RAB38: variants seen among roughly 807,000 people sequenced by gnomAD.
RAB38 encodes RAB38, member RAS oncogene family, also known as ras-related protein Rab-38.
RAB38 carries 15 observed loss-of-function variants against 18.4 expected under a neutral mutation model. The observed-to-expected ratio is 0.82, with a 90% CI of 0.55 to 1.26. The LOEUF (loss-of-function observed/expected upper bound fraction) is 1.26, where lower values mean the gene tolerates loss of function less well. Among genes scored for constraint, RAB38 ranks in the 50% most tolerant of loss-of-function variants. RAB38 has a pLI of 0.00. For missense variants in RAB38, 294 were observed against 267.4 expected (o/e 1.10, Z -0.69); for synonymous variants, 101 against 104.4 (o/e 0.97, Z 0.20).
intron 2 of RAB38, among the ~76,000 whole-genome samples, chr11:88,144,705 G>A (rs1487720850): frequency 6.6e-6 from 1 of 152,206 alleles, no homozygotes; most frequent in Non-Finnish European, 1.5e-5. Flanking sequence ...AGAACATTCT[G>A]GGAGAGAGGG....
chr11:87,853,571 AT>A, the RAB38 span, among the ~76,000 whole-genome samples: 1 of 152,206 alleles, frequency 6.6e-6, no homozygotes, highest in African/African-American at 2.4e-5. Context: ...AAGCTGACAA[AT>A]ACAAGGTAGA....
the RAB38 span, among the ~76,000 whole-genome samples, chr11:88,080,369 A>G: frequency 6.6e-6 from 1 of 151,954 alleles, no homozygotes; most frequent in African/African-American, 2.4e-5. Flanking sequence ...ACATGAAGAA[A>G]AATATTGATG....
At chr11:88,015,429 G>C in the RAB38 span, among the ~76,000 whole-genome samples, 1 of 152,136 alleles carries the variant, frequency 6.6e-6, no homozygotes, top group Admixed American at 6.5e-5. Flanking sequence ...AATCTGTCTT[G>C]GTCACTACAA....
chr11:87,921,500 C>T, the RAB38 span, among the ~76,000 whole-genome samples: 1 of 150,682 alleles, frequency 6.6e-6, no homozygotes, highest in Non-Finnish European at 1.5e-5. Flanking sequence ...ATGATATTTT[C>T]AGCTTATGGG....
the RAB38 span, among the ~76,000 whole-genome samples, chr11:87,957,740 A>C: frequency 6.6e-6 from 1 of 152,028 alleles, no homozygotes; most frequent in East Asian, 1.9e-4. Context: ...TCTAACTTCT[A>C]TAATCTGAGG....
chr11:87,863,187 A>G, the RAB38 span, among the ~76,000 whole-genome samples: 2 of 151,866 alleles, frequency 1.3e-5, no homozygotes, highest in Non-Finnish European at 2.9e-5. Context: ...CTGAATTCAA[A>G]TATCAGTTCT....
At chr11:87,827,000 T>A in the RAB38 span, among the ~76,000 whole-genome samples, 2 of 152,166 alleles carry the variant, frequency 1.3e-5, no homozygotes, top group Admixed American at 1.3e-4. Flanking sequence ...TGTGTGGATA[T>A]CATGGTATTT....
intron 2 of RAB38, among the ~76,000 whole-genome samples, chr11:88,116,929 T>C (rs1942562134): frequency 6.6e-6 from 1 of 152,022 alleles, no homozygotes; most frequent in South Asian, 2.1e-4. Context: ...TCAATGAAAA[T>C]CCATTATCAT....
chr11:87,843,059 T>C, the RAB38 span, among the ~76,000 whole-genome samples: 2 of 152,178 alleles, frequency 1.3e-5, no homozygotes, highest in Admixed American at 1.3e-4. Context: ...TAGACATATT[T>C]TATTTTCTCA....
the RAB38 span, among the ~76,000 whole-genome samples, chr11:88,085,792 C>T: frequency 4.3e-3 from 646 of 151,984 alleles, 8 homozygotes; most frequent in African/African-American, 0.014. Flanking sequence ...CATCATAAGG[C>T]GTACAAAGCC....
chr11:87,977,443 AATT>A, the RAB38 span, among the ~76,000 whole-genome samples: 237 of 90,458 alleles, frequency 2.6e-3, 9 homozygotes, highest in Non-Finnish European at 4.0e-3. Context: ...AATTATATAT[AATT>A]ATATTACATA....
intron 1 of RAB38, among the ~76,000 whole-genome samples, chr11:88,169,333 G>T (rs1347496089): frequency 6.6e-6 from 1 of 152,142 alleles, no homozygotes; most frequent in Non-Finnish European, 1.5e-5. Context: ...TGCATACATT[G>T]TTTGTATTTC....
the RAB38 span, among the ~76,000 whole-genome samples, chr11:87,890,796 T>G: frequency 2.0e-5 from 3 of 151,934 alleles, no homozygotes; most frequent in Non-Finnish European, 2.9e-5. Flanking sequence ...AAAATTTGAT[T>G]CATTTATGAA....
At chr11:87,945,231 A>G in the RAB38 span, among the ~76,000 whole-genome samples, 14,272 of 152,236 alleles carry the variant, frequency 0.094, 843 homozygotes, top group East Asian at 0.16. Flanking sequence ...ATTTTCTACA[A>G]TTTTGCAATT....
chr11:88,037,328 C>A, the RAB38 span, among the ~76,000 whole-genome samples: 2 of 152,000 alleles, frequency 1.3e-5, no homozygotes, highest in Non-Finnish European at 2.9e-5. Flanking sequence ...TAAATACTTT[C>A]ACCTTTTATT....
intron 2 of RAB38, among the ~76,000 whole-genome samples, chr11:88,134,542 C>A (rs754389021): frequency 7.2e-5 from 11 of 152,160 alleles, no homozygotes; most frequent in Non-Finnish European, 1.5e-4. Context: ...ATCACCTGGC[C>A]GCCAATTCTA....
chr11:87,857,409 T>A, the RAB38 span, among the ~76,000 whole-genome samples: 1 of 152,182 alleles, frequency 6.6e-6, no homozygotes, highest in African/African-American at 2.4e-5. Context: ...AAATGGTATT[T>A]CTAGTTCTAG....
the RAB38 span, among the ~76,000 whole-genome samples, chr11:88,100,374 AAG>A: frequency 6.6e-6 from 1 of 151,914 alleles, no homozygotes; most frequent in Non-Finnish European, 1.5e-5. Flanking sequence ...GGTGCCAGAA[AAG>A]AGGGAGTGGT....
intron 2 of RAB38, among the ~76,000 whole-genome samples, chr11:88,131,569 A>G (rs1418430853): frequency 6.6e-6 from 1 of 152,202 alleles, no homozygotes; most frequent in Admixed American, 6.5e-5. Context: ...CTGAACTTTA[A>G]TCTATGGCCA....
Sources: gnomAD v4.1 joint callset for allele counts (sites outside exome capture counted in the v4.1 genomes callset) on GRCh38, gnomAD v4.1.1 for gene constraint, MANE v1.5 for transcripts, NCBI Gene and HGNC (gene_info 2026-07-23, HGNC 2026-07-21) for gene names.